AUTS2: variants seen among roughly 807,000 people sequenced by gnomAD.
The protein encoded by AUTS2 is autism susceptibility gene 2 protein.
In AUTS2, 17 loss-of-function variants were observed where a neutral mutation model predicts 112.4. The observed-to-expected ratio is 0.15, with a 90% CI of 0.10 to 0.23. The LOEUF is 0.23. Among genes scored for constraint, AUTS2 ranks in the 10% least tolerant of loss-of-function variants. AUTS2 has a pLI of 1.00. For synonymous variants in AUTS2, 751 were observed against 702.7 expected (o/e 1.07, Z -1.09); for missense variants, 1,510 against 1,701.6 (o/e 0.89, Z 1.98).
chr7:70,047,814 G>A (rs1253952904), intron 2 of AUTS2, among the ~76,000 whole-genome samples: 3 of 152,200 alleles, frequency 2.0e-5, no homozygotes, highest in Non-Finnish European at 2.9e-5. Flanking sequence ...AAGTGCAGAA[G>A]TGTGGGAGGA....
intron 1 of AUTS2, among the ~76,000 whole-genome samples, chr7:69,845,678 C>T (rs1029515196): frequency 6.6e-6 from 1 of 152,128 alleles, no homozygotes; most frequent in African/African-American, 2.4e-5. Context: ...AGGGAGGGTC[C>T]AGTTCTCTAA....
chr7:70,788,703 G>A (rs1183634553), intron 18 of AUTS2, among the ~76,000 whole-genome samples: 1 of 152,178 alleles, frequency 6.6e-6, no homozygotes, highest in Non-Finnish European at 1.5e-5. Flanking sequence ...TCCCTTAAAA[G>A]TTATTCTTCT....
At chr7:70,055,520 A>C (rs1014328271) in intron 2 of AUTS2, among the ~76,000 whole-genome samples, 1 of 152,184 alleles carries the variant, frequency 6.6e-6, no homozygotes, top group Non-Finnish European at 1.5e-5. Flanking sequence ...TTGCTTTGTG[A>C]TACTGTTACA....
intron 4 of AUTS2, among the ~76,000 whole-genome samples, chr7:70,348,656 A>T (rs1217131402): frequency 6.6e-6 from 1 of 152,112 alleles, no homozygotes; most frequent in Non-Finnish European, 1.5e-5. Context: ...ATACAAAAAA[A>T]AAAATTAGCC....
At chr7:70,315,260 C>G (rs541456318) in intron 4 of AUTS2, among the ~76,000 whole-genome samples, 1 of 152,140 alleles carries the variant, frequency 6.6e-6, no homozygotes, top group African/African-American at 2.4e-5. Flanking sequence ...TCTCTTTCTC[C>G]TTAAATATTC....
chr7:70,325,279 G>C (rs1051311508), intron 4 of AUTS2, among the ~76,000 whole-genome samples: 4 of 151,858 alleles, frequency 2.6e-5, no homozygotes, highest in Non-Finnish European at 1.5e-5. Flanking sequence ...AGCTGTGATG[G>C]TACCACTTCA....
At chr7:70,089,266 T>G (rs1803782613) in intron 2 of AUTS2, among the ~76,000 whole-genome samples, 1 of 152,210 alleles carries the variant, frequency 6.6e-6, no homozygotes, top group Non-Finnish European at 1.5e-5. Flanking sequence ...TAGATTTTTT[T>G]TATTTCTCCT....
chr7:70,130,179 A>C (rs567195711), intron 3 of AUTS2, among the ~76,000 whole-genome samples: 7 of 152,270 alleles, frequency 4.6e-5, no homozygotes, highest in African/African-American at 1.7e-4. Flanking sequence ...AAAAATATTC[A>C]ATTTAAATTA....
intron 4 of AUTS2, among the ~76,000 whole-genome samples, chr7:70,419,987 A>T (rs1232428837): frequency 6.6e-6 from 1 of 152,190 alleles, no homozygotes; most frequent in Non-Finnish European, 1.5e-5. Context: ...TGCTCCAGTG[A>T]TAATTATCTC....
Position 69,663,446 on chromosome 7 carries a change from G to A in AUTS2, c.309+63484G>A, listed in dbSNP as rs539070147. Among the ~76,000 whole-genome samples, 4 of 152,268 alleles carry A rather than the reference G, an allele frequency of 2.6e-5. No individual in the cohort carries two copies. In the East Asian group the frequency reaches 7.7e-4, roughly 29 times the overall value. On this transcript the variant is annotated intron_variant, in intron 1 of 18. Transcript: ENST00000342771. ...ATACACCCCAGATGTGAAGGTACCA[G>A]CTAATATAATTATGCTGGAGATCAT... is the stretch of plus-strand genomic sequence containing the variant.
At chr7:70,280,816 A>G (rs1466958712) in intron 4 of AUTS2, among the ~76,000 whole-genome samples, 10 of 152,196 alleles carry the variant, frequency 6.6e-5, no homozygotes, top group Admixed American at 6.5e-4. Context: ...TACACATGTA[A>G]TAAGAAGAGT....
chr7:70,310,899 A>G (rs914037033), intron 4 of AUTS2, among the ~76,000 whole-genome samples: 1 of 152,216 alleles, frequency 6.6e-6, no homozygotes, highest in Non-Finnish European at 1.5e-5. Context: ...ATGTTAATAC[A>G]AGTAAAATAA....
intron 4 of AUTS2, among the ~76,000 whole-genome samples, chr7:70,162,920 T>C (rs1808168849): frequency 6.6e-6 from 1 of 152,206 alleles, no homozygotes; most frequent in South Asian, 2.1e-4. Context: ...AGCTAAGAAA[T>C]AATTTCATGA....
intron 2 of AUTS2, among the ~76,000 whole-genome samples, chr7:70,009,539 T>G (rs1359900245): frequency 6.6e-6 from 1 of 152,234 alleles, no homozygotes; most frequent in African/African-American, 2.4e-5. Context: ...AATGTTACTT[T>G]GATTTTATTT....
At chr7:70,327,202 G>T (rs1790532288) in intron 4 of AUTS2, among the ~76,000 whole-genome samples, 1 of 152,166 alleles carries the variant, frequency 6.6e-6, no homozygotes, top group Admixed American at 6.5e-5. Flanking sequence ...ACAGGTGTAA[G>T]CCACCGCGCC....
intron 1 of AUTS2, among the ~76,000 whole-genome samples, chr7:69,668,541 G>T (rs1287839229): frequency 1.3e-5 from 2 of 152,142 alleles, no homozygotes; most frequent in African/African-American, 4.8e-5. Context: ...TCTTTGTGAG[G>T]ATATCCTGTC....
At chr7:70,044,786 T>C (rs1371222546) in intron 2 of AUTS2, among the ~76,000 whole-genome samples, 1 of 152,176 alleles carries the variant, frequency 6.6e-6, no homozygotes, top group African/African-American at 2.4e-5. Context: ...TGATTTAGAC[T>C]TTTAACTGAA....
intron 5 of AUTS2, among the ~76,000 whole-genome samples, chr7:70,505,189 A>G (rs968311210): frequency 1.3e-5 from 2 of 152,178 alleles, no homozygotes; most frequent in African/African-American, 4.8e-5. Context: ...CATTAGCCTC[A>G]GGGAGGTTGA....
intron 1 of AUTS2, among the ~76,000 whole-genome samples, chr7:69,779,541 A>G (rs904278629): frequency 2.0e-5 from 3 of 152,086 alleles, no homozygotes; most frequent in African/African-American, 7.2e-5. Flanking sequence ...AGGAAGGCAG[A>G]TCATGAGGTC....
Sources: gnomAD v4.1 joint callset for allele counts (sites outside exome capture counted in the v4.1 genomes callset) on GRCh38, gnomAD v4.1.1 for gene constraint, MANE v1.5 for transcripts, NCBI Gene and HGNC (gene_info 2026-07-23, HGNC 2026-07-21) for gene names.